Variants in FARP1 observed in about 807,000 individuals in gnomAD.
The protein encoded by FARP1 is FERM, ARH/RhoGEF and pleckstrin domain protein 1.
FARP1 carries 52 observed loss-of-function variants against 128.8 expected under a neutral mutation model. The observed-to-expected ratio is 0.40, with a 90% CI of 0.32 to 0.51. The LOEUF (loss-of-function observed/expected upper bound fraction) is 0.51, where lower values mean the gene tolerates loss of function less well. Among genes scored for constraint, FARP1 ranks in the 20% least tolerant of loss-of-function variants. The probability of loss-of-function intolerance (pLI) is 0.45; values close to 1 mark genes in which losing one functional copy is unlikely to be tolerated. For synonymous variants in FARP1, 580 were observed against 551.8 expected, an observed-to-expected ratio of 1.05 and a Z score of -0.72; for missense variants, 1,333 against 1,367.9, an observed-to-expected ratio of 0.97 and a Z score of 0.40.
intron 2 of FARP1, among the ~76,000 whole-genome samples, chr13:98,315,761 T>A (rs1312712143): frequency 6.6e-6 from 1 of 152,176 alleles, no homozygotes; most frequent in Non-Finnish European, 1.5e-5. Flanking sequence ...TGAGGAGACT[T>A]CAGAATTCAC....
intron 2 of FARP1, among the ~76,000 whole-genome samples, chr13:98,214,680 A>G (rs61970165): frequency 0.2 from 30,840 of 152,178 alleles, 3,349 homozygotes; most frequent in Middle Eastern, 0.35. Flanking sequence ...TATGCTTAAA[A>G]CCACCAATTT....
intron 1 of FARP1, among the ~76,000 whole-genome samples, chr13:98,191,094 C>CT (rs1207790195): frequency 1.3e-5 from 2 of 152,166 alleles, no homozygotes; most frequent in Admixed American, 1.3e-4. Context: ...CCCGACACTG[C>CT]TGGAGGCATT....
chr13:98,156,605 G>T lies in FARP1; in HGVS notation c.-24+13113G>T, dbSNP rs139779653. The stretch of plus-strand genomic sequence containing the variant: ...AAATTTTGTGTAGAAATGGGACTTT[G>T]CTTTGTTGCCCAGGCTGGTCTTGAA... On this transcript the variant is annotated intron_variant, in intron 1 of 26. Transcript: ENST00000319562. Among the ~76,000 whole-genome samples, 39 of 152,094 alleles carry T rather than the reference G, an allele frequency of 2.6e-4. No individual in the cohort carries two copies. The East Asian group carries it at 7.3e-3, about 29-fold the overall frequency.
intron 2 of FARP1, among the ~76,000 whole-genome samples, chr13:98,309,790 C>T (rs908607610): frequency 6.6e-6 from 1 of 152,198 alleles, no homozygotes; most frequent in Non-Finnish European, 1.5e-5. Flanking sequence ...GCCCCTTACC[C>T]CAAACGGACA....
intron 3 of FARP1, 87 bp downstream of exon 3, chr13:98,343,953 GTGAGA>G: frequency 1.2e-6 from 1 of 865,152 alleles, no homozygotes; most frequent in Non-Finnish European, 1.9e-6. Context: ...ATGATTGTGA[GTGAGA>G]TATTTTCATG....
In FARP1 at chr13:98,438,801, CAGG is replaced by C. The variant is rs1428495639; in HGVS notation, c.2275_2277del (p.Glu759del). ...CCAGCCCTCCGGTCTGTCTCCCCTGCAGGAGTTCATCCGTCTGGGCAGCCTCAG... is the reference window on the plus strand; with the variant it reads ...CCAGCCCTCCGGTCTGTCTCCCCTGCAGTTCATCCGTCTGGGCAGCCTCAG... On this transcript the variant is annotated splice_acceptor_variant and coding_sequence_variant, in exon 20 of 27. Coordinates refer to ENST00000319562, the MANE Select transcript of FARP1 (RefSeq NM_005766.4). LOFTEE classifies it high-confidence loss of function. 6.2e-7 allele frequency: 1 copy of C among 1,612,090 alleles called. No homozygotes were observed. Among genetic ancestry groups the C allele is most frequent in the East Asian group, 2.2e-5 (1 of 44,878 alleles).
At chr13:98,221,044 G>A (rs1261875878) in intron 2 of FARP1, among the ~76,000 whole-genome samples, 1 of 152,168 alleles carries the variant, frequency 6.6e-6, no homozygotes, top group African/African-American at 2.4e-5. Context: ...GGAAGTGCAG[G>A]CCCTGGGTCT....
chr13:98,388,532 C>G (rs1379716062), intron 9 of FARP1, 54 bp downstream of exon 9: 12 of 1,352,610 alleles, frequency 8.9e-6, no homozygotes, highest in Non-Finnish European at 1.3e-5. Context: ...TGGCGTGTGT[C>G]CTGCAAGGGG....
chr13:98,187,494 G>A (rs1277712582), intron 1 of FARP1, among the ~76,000 whole-genome samples: 1 of 152,188 alleles, frequency 6.6e-6, no homozygotes, highest in Admixed American at 6.5e-5. Flanking sequence ...GAGATGTGGG[G>A]GAGGAGGATC....
chr13:98,431,038 CCA>C lies in FARP1; in HGVS notation c.1906-4_1906-3del, dbSNP rs750798362. ...CAGGACCCTCCTCCTCTGTTGCCTC[CCA>C]AGCACCTGGCGGCTCACCTGTGGAA... On this transcript the variant is annotated splice_polypyrimidine_tract_variant and splice_region_variant and intron_variant, in intron 17 of 26. Coordinates refer to ENST00000319562, the MANE Select transcript of FARP1 (RefSeq NM_005766.4). 7 of 1,608,254 alleles carry C rather than the reference CCA, an allele frequency of 4.4e-6. No individual in the cohort carries two copies. Among genetic ancestry groups the C allele is most frequent in the Non-Finnish European group, 6.0e-6 (7 of 1,175,428 alleles).
chr13:98,191,537 C>T (rs530932364), intron 1 of FARP1, among the ~76,000 whole-genome samples: 38 of 152,190 alleles, frequency 2.5e-4, no homozygotes, highest in Non-Finnish European at 4.0e-4. Flanking sequence ...AGACTACCAA[C>T]GTGAATTTCA....
At chr13:98,435,054 T>G (rs998078856) in intron 18 of FARP1, 2 of 152,394 alleles carry the variant, frequency 1.3e-5, no homozygotes, top group Admixed American at 6.5e-5. Context: ...ACCATCTTGG[T>G]AAACAGTGTA....
chr13:98,287,556 A>G (rs4772064), intron 2 of FARP1, among the ~76,000 whole-genome samples: 132,173 of 151,998 alleles, frequency 0.87, 57,564 homozygotes, highest in East Asian at 1. Flanking sequence ...GATTATTCTG[A>G]CTTTGCTTTT....
At chr13:98,267,308 C>A (rs2139565212) in intron 2 of FARP1, among the ~76,000 whole-genome samples, 1 of 152,340 alleles carries the variant, frequency 6.6e-6, no homozygotes, top group South Asian at 2.1e-4. Context: ...AACTTGGCCT[C>A]TGCACCTCTG....
chr13:98,366,945 A>G (rs955453343), intron 4 of FARP1, among the ~76,000 whole-genome samples: 2 of 152,182 alleles, frequency 1.3e-5, no homozygotes, highest in Non-Finnish European at 2.9e-5. Context: ...GTATTTGTAT[A>G]TGATAGTGAA....
At chr13:98,226,319 C>T (rs556428214) in intron 2 of FARP1, among the ~76,000 whole-genome samples, 3 of 152,300 alleles carry the variant, frequency 2.0e-5, no homozygotes, top group South Asian at 4.1e-4. Context: ...ACGTGATTTT[C>T]TTGCTGCGCA....
chr13:98,337,627 A>G (rs2139852584), intron 2 of FARP1, among the ~76,000 whole-genome samples: 1 of 150,238 alleles, frequency 6.7e-6, no homozygotes, highest in East Asian at 2.0e-4. Flanking sequence ...ACTTTCACTG[A>G]TGAATTTTCC....
intron 2 of FARP1, among the ~76,000 whole-genome samples, chr13:98,217,841 C>T (rs557044225): frequency 1.3e-5 from 2 of 152,322 alleles, no homozygotes; most frequent in African/African-American, 4.8e-5. Flanking sequence ...GCAGCGGTGC[C>T]TGTGCATGAA....
At chr13:98,265,218 G>A (rs1409786160) in intron 2 of FARP1, among the ~76,000 whole-genome samples, 1 of 150,964 alleles carries the variant, frequency 6.6e-6, no homozygotes, top group Non-Finnish European at 1.5e-5. Flanking sequence ...ATGGCCAGGT[G>A]TTATTGTTGG....
Sources: gnomAD v4.1 joint callset for allele counts (sites outside exome capture counted in the v4.1 genomes callset) on GRCh38, gnomAD v4.1.1 for gene constraint, MANE v1.5 for transcripts, NCBI Gene and HGNC (gene_info 2026-07-23, HGNC 2026-07-21) for gene names.